Variants in EED observed in about 807,000 individuals in gnomAD.
The protein encoded by EED is polycomb protein EED.
EED carries 9 observed loss-of-function variants against 61.0 expected under a neutral mutation model. The observed-to-expected ratio is 0.15, with a 90% CI of 0.09 to 0.26. The LOEUF is 0.26. Among genes scored for constraint, EED ranks in the 10% least tolerant of loss-of-function variants. The probability of loss-of-function intolerance (pLI) is 1.00; values close to 1 mark genes in which losing one functional copy is unlikely to be tolerated. For synonymous variants in EED, 187 were observed against 174.4 expected (o/e 1.07, Z -0.57); for missense variants, 315 against 542.3 (o/e 0.58, Z 4.16).
chr11:86,270,774 C>G (rs1189064452), intron 9 of EED, among the ~76,000 whole-genome samples: 7 of 152,142 alleles, frequency 4.6e-5, no homozygotes, highest in Admixed American at 1.3e-4. Context: ...TGTTGGAAGA[C>G]TATTCTTCCG....
intron 3 of EED, 116 bp from the exon 4 acceptor site, chr11:86,255,106 G>A: frequency 1.4e-6 from 1 of 727,096 alleles, no homozygotes; most frequent in Non-Finnish European, 2.2e-6. Flanking sequence ...GTATTTTAAG[G>A]CAGTAGTTTC....
chr11:86,267,703 C>T (rs1423704609), intron 8 of EED, among the ~76,000 whole-genome samples: 3 of 151,278 alleles, frequency 2.0e-5, no homozygotes, highest in East Asian at 1.9e-4. Context: ...CAGGTTCAAG[C>T]GATTCTCCTG....
At chr11:86,264,829 T>C (rs1945934227) in intron 7 of EED, 1 of 152,238 alleles carries the variant, frequency 6.6e-6, no homozygotes, top group South Asian at 2.1e-4. Flanking sequence ...TTTCAGATTT[T>C]AACATTATTT....
intron 8 of EED, among the ~76,000 whole-genome samples, chr11:86,267,425 C>G (rs1356362958): frequency 6.6e-6 from 1 of 152,148 alleles, no homozygotes; most frequent in Non-Finnish European, 1.5e-5. Flanking sequence ...ACTTATACAG[C>G]TATTTCTGAT....
At chr11:86,270,874 A>G (rs953188301) in intron 9 of EED, among the ~76,000 whole-genome samples, 13 of 152,144 alleles carry the variant, frequency 8.5e-5, no homozygotes, top group Non-Finnish European at 1.6e-4. Context: ...TTTCATCTGT[A>G]TATCTGTCCC....
the EED span, among the ~76,000 whole-genome samples, chr11:86,287,115 T>C: frequency 1.3e-5 from 2 of 151,940 alleles, no homozygotes; most frequent in Admixed American, 1.3e-4. Context: ...CTTTTTGTAA[T>C]GCTGGTTGTA....
chr11:86,267,725 C>T (rs769940689), intron 8 of EED, among the ~76,000 whole-genome samples: 4 of 150,868 alleles, frequency 2.7e-5, no homozygotes, highest in African/African-American at 9.8e-5. Context: ...CTCAGCCTCC[C>T]AAGTAGCTGG....
chr11:86,261,324 C>T (rs1945821327), intron 6 of EED, among the ~76,000 whole-genome samples: 1 of 152,218 alleles, frequency 6.6e-6, no homozygotes, highest in South Asian at 2.1e-4. Context: ...ATCCAAGGCA[C>T]CAGAATAATC....
chr11:86,278,022 T>C (rs758451458), intron 11 of EED, 31 bp downstream of exon 11: 1 of 1,485,844 alleles, frequency 6.7e-7, no homozygotes, highest in African/African-American at 1.4e-5. Context: ...GTTCAAAATT[T>C]CAGGCTTTTT....
At chr11:86,262,131 C>G (rs1196153158) in intron 6 of EED, among the ~76,000 whole-genome samples, 1 of 152,094 alleles carries the variant, frequency 6.6e-6, no homozygotes, top group African/African-American at 2.4e-5. Context: ...ATCCTTCCAC[C>G]TCAGCCTTCG....
chr11:86,267,599 T>A lies in EED; in HGVS notation c.861-857T>A, dbSNP rs567312604. Among the ~76,000 whole-genome samples the A allele has an allele frequency of 2.4e-4, 36 of 152,210 alleles. 1 individual carries two copies. The highest frequency in any genetic ancestry group is 8.4e-4 in the African/African-American group (35 of 41,512). Reference sequence around the variant, plus strand: ...TGGAAAAGTCCTAGGAAATTTTATTTTGTTCTATTTGTTTTTTTGAGACGG... The same window carrying A: ...TGGAAAAGTCCTAGGAAATTTTATTATGTTCTATTTGTTTTTTTGAGACGG... On this transcript the variant is annotated intron_variant, in intron 8 of 11. Transcript: ENST00000263360.
At chr11:86,282,135 G>A (rs766163650), downstream of EED, among the ~76,000 whole-genome samples, 6 of 152,084 alleles carry the variant, frequency 3.9e-5, no homozygotes, top group Admixed American at 6.5e-5. Context: ...TATTTTAACT[G>A]TAAAAATTTA....
intron 9 of EED, among the ~76,000 whole-genome samples, chr11:86,270,842 T>G (rs1181242158): frequency 6.6e-6 from 1 of 152,236 alleles, no homozygotes; most frequent in African/African-American, 2.4e-5. Flanking sequence ...TACGTGGGGC[T>G]GTTTTTGATT....
At chr11:86,260,711 C>A (rs1425850198) in intron 6 of EED, among the ~76,000 whole-genome samples, 3 of 152,216 alleles carry the variant, frequency 2.0e-5, no homozygotes, top group African/African-American at 7.2e-5. Flanking sequence ...AAGCTAGTAT[C>A]TTGTTCTGTG....
chr11:86,285,350 G>A, the EED span, among the ~76,000 whole-genome samples: 1 of 152,082 alleles, frequency 6.6e-6, no homozygotes, highest in Non-Finnish European at 1.5e-5. Context: ...AGCCCAGGAG[G>A]CTGAGGCTGC....
chr11:86,259,975 G>C (rs972876668), intron 6 of EED, among the ~76,000 whole-genome samples: 2 of 152,156 alleles, frequency 1.3e-5, no homozygotes, highest in Non-Finnish European at 2.9e-5. Flanking sequence ...ACTAATCCTA[G>C]ATGTTTACAT....
chr11:86,259,238 T>C (rs1945765599), intron 6 of EED, among the ~76,000 whole-genome samples: 4 of 150,354 alleles, frequency 2.7e-5, no homozygotes, highest in African/African-American at 7.3e-5. Context: ...ATCAGAAGTT[T>C]GAGCATGAAT....
In EED at chr11:86,245,197, A is replaced by C. The variant is rs1361535602; in HGVS notation, c.-33A>C. The C allele has an allele frequency of 4.4e-6, 7 of 1,577,462 alleles. No individual in the cohort carries two copies. In the African/African-American group the frequency reaches 5.4e-5, roughly 12 times the overall value. On this transcript the variant is annotated 5_prime_UTR_variant, in exon 1 of 12. Coordinates refer to ENST00000263360, the MANE Select transcript of EED (RefSeq NM_003797.5). ...GGCGGTGTGGCGGAGGCCCCGCCCC[A>C]GGCGGCAGGAACCTGGAGGGAGGCG...
At chr11:86,267,606 A>G (rs908379988) in intron 8 of EED, among the ~76,000 whole-genome samples, 1 of 151,772 alleles carries the variant, frequency 6.6e-6, no homozygotes, top group African/African-American at 2.4e-5. Context: ...ATTTTGTTCT[A>G]TTTGTTTTTT....
Sources: allele counts gnomAD v4.1 joint callset (sites outside exome capture counted in the v4.1 genomes callset), GRCh38; gene constraint gnomAD v4.1.1; transcripts MANE v1.5; gene names NCBI Gene and HGNC (gene_info 2026-07-23, HGNC 2026-07-21).